EPHA10: variants seen among roughly 807,000 people sequenced by gnomAD.
EPHA10 encodes ephrin type-A receptor 10.
In EPHA10, 120 loss-of-function variants were observed where a neutral mutation model predicts 109.7. The ratio of observed to expected loss-of-function variants is 1.09; its 90% CI spans 0.94 to 1.27. The LOEUF is 1.27. EPHA10 is among the 50% of genes most tolerant of loss of function. The pLI is 0.00. For missense variants in EPHA10, 1,396 were observed against 1,411.1 expected (o/e 0.99, Z 0.17); for synonymous variants, 640 against 618.9 (o/e 1.03, Z -0.51).
chr1:37,743,560 C>G (rs1391130272), intron 5 of EPHA10, among the ~76,000 whole-genome samples: 1 of 152,166 alleles, frequency 6.6e-6, no homozygotes. Context: ...TAAGAAGGAA[C>G]CACAACTGAA....
rs146568133 is a variant in EPHA10, at chr1:37,723,064, G to A, written c.1937C>T (p.Thr646Met). Residue 646 changes from threonine to methionine, a missense_variant, in exon 10 of 17, where the codon ACG (threonine) becomes ATG (methionine). Physicochemically the swap from Thr to Met is moderately conservative, Grantham distance 81. Transcript: ENST00000373048. ...GCCTCCTCCAAGGCTCCTCTCCAGC[G>A]TGACGCTTTTCGCATCCAGTTCCTT... is the stretch of plus-strand genomic sequence containing the variant. ...FAKELDAKSV[T>M]LERSLGGGRF... The A allele has an allele frequency of 1.1e-3, 1,837 of 1,614,192 alleles. 9 individuals carry two copies. The highest frequency in any genetic ancestry group is 4.9e-3 in the African/African-American group (370 of 75,052).
chr1:37,742,582 C>CAT, intron 5 of EPHA10, among the ~76,000 whole-genome samples: 1 of 68,472 alleles, frequency 1.5e-5, no homozygotes, highest in African/African-American at 4.4e-5. Context: ...ATGAGAATGG[C>CAT]AGAGTGGACA....
Position 37,761,908 on chromosome 1 carries a change from G to C in EPHA10, c.347C>G (p.Pro116Arg). Residue 116 changes from proline to arginine, a missense_variant, in exon 3 of 17, where the codon CCT becomes CGT. Transcript: ENST00000373048. ...CTCCTTGCAGGTACCCGCGGCGCCAGGGATGCTGCTGCAGTCACGGAGTGT... is the reference window on the plus strand; with the variant it reads ...CTCCTTGCAGGTACCCGCGGCGCCACGGATGCTGCTGCAGTCACGGAGTGT... The part of the protein sequence containing the change: ...QFTLRDCSSI[P>R]GAAGTCKETF... 1 of 1,612,514 alleles carries C rather than the reference G, an allele frequency of 6.2e-7. No individual in the cohort carries two copies. Among genetic ancestry groups the C allele is most frequent in the African/African-American group, 1.3e-5 (1 of 75,064 alleles).
chr1:37,761,709 C>T lies in EPHA10; in HGVS notation c.546G>A (p.Pro182=). Reference sequence around the variant, plus strand: ...CCAGGTGGAAACCCCGCCGGCTGAGCGGTCCGATCTCGCGCACCTCTGTGT... The same window carrying T: ...CCAGGTGGAAACCCCGCCGGCTGAGTGGTCCGATCTCGCGCACCTCTGTGT... ...KLNTEVREIG[P]LSRRGFHLAF... is the part of the protein sequence containing the mutation. The change falls in exon 3 of 17, where the codon CCG becomes CCA. Residue 182 remains proline (P), a synonymous_variant. Transcript: ENST00000373048. 1 of 1,613,406 alleles carries T rather than the reference C, an allele frequency of 6.2e-7. No individual in the cohort carries two copies. Among genetic ancestry groups the T allele is most frequent in the South Asian group, 1.1e-5 (1 of 91,068 alleles).
At chr1:37,714,536 G>A (rs1369428495), downstream of EPHA10, among the ~76,000 whole-genome samples, 11 of 152,258 alleles carry the variant, frequency 7.2e-5, no homozygotes, top group East Asian at 7.7e-4. Context: ...AACAAAGGTC[G>A]CTGTTACGGG....
chr1:37,738,989 C>T (rs762545733), intron 5 of EPHA10, among the ~76,000 whole-genome samples: 12 of 151,812 alleles, frequency 7.9e-5, no homozygotes, highest in South Asian at 2.1e-4. Flanking sequence ...CATCACACAC[C>T]GGGGCCTGTC....
intron 6 of EPHA10, among the ~76,000 whole-genome samples, chr1:37,733,991 T>C (rs1176640833): frequency 6.6e-6 from 1 of 152,154 alleles, no homozygotes; most frequent in Admixed American, 6.5e-5. Context: ...CCTCAGACTC[T>C]GGGTTACCCA....
At chr1:37,723,019 G>A (rs1557532175) in intron 10 of EPHA10, 22 bp downstream of exon 10, 2 of 1,613,896 alleles carry the variant, frequency 1.2e-6, no homozygotes, top group Non-Finnish European at 8.5e-7. Context: ...TGGGGACAAG[G>A]CTTCCTGGGC....
rs764483834 is a variant in EPHA10, at chr1:37,723,113, G to C, written c.1888C>G (p.Leu630Val). 1 of 1,614,216 alleles carries C rather than the reference G, an allele frequency of 6.2e-7. No individual in the cohort carries two copies. Among genetic ancestry groups the C allele is most frequent in the South Asian group, 1.1e-5 (1 of 91,084 alleles). Residue 630 changes from leucine to valine, a missense_variant, in exon 10 of 17, where the codon CTG becomes GTG. By Grantham distance (32) the Leu-to-Val change is conservative. Coordinates refer to ENST00000373048, the MANE Select transcript of EPHA10 (RefSeq NM_001099439.2). The stretch of plus-strand genomic sequence containing the variant: ...TTGGCGAACAGATGCACAGCCTGCA[G>C]CAGGTCCCCACAGCTCTGGGGGTCC... The part of the protein sequence containing the change: ...FLDPQSCGDL[L>V]QAVHLFAKEL...
chr1:37,734,332 T>C (rs141973960), intron 6 of EPHA10, among the ~76,000 whole-genome samples: 2,789 of 152,088 alleles, frequency 0.018, 76 homozygotes, highest in African/African-American at 0.063. Context: ...TCAGGAGATA[T>C]AGACCAGCCT....
chr1:37,719,866 G>C (rs1385552320), intron 14 of EPHA10, 43 bp downstream of exon 14: 1 of 1,613,500 alleles, frequency 6.2e-7, no homozygotes, highest in Admixed American at 1.7e-5. Context: ...GGCCTGAGCT[G>C]AGAGGGTCAG....
chr1:37,718,484 T>A lies in EPHA10; in HGVS notation c.2915A>T (p.Asp972Val), dbSNP rs769334265. Residue 972 changes from aspartate to valine, a missense_variant and splice_region_variant, in exon 17 of 17, where the codon GAC (aspartate) becomes GTC (valine). Asp to Val is a radical substitution (Grantham distance 152). Coordinates refer to ENST00000373048, the MANE Select transcript of EPHA10 (RefSeq NM_001099439.2). ...CAAAGAGATGCCTAGGCTCACCAGG[T>A]CCCTGAAACAAAGGCTGGTCACACT... ...LEAVAEMTAQ[D>V]LVSLGISLAE... The A allele has an allele frequency of 1.1e-5, 18 of 1,613,322 alleles. No individual in the cohort carries two copies. In the East Asian group the frequency reaches 3.8e-4, roughly 34 times the overall value.
At chr1:37,715,913 G>A (rs535145015), downstream of EPHA10, 11 of 567,644 alleles carry the variant, frequency 1.9e-5, no homozygotes, top group Middle Eastern at 8.7e-4. Flanking sequence ...GAGGAAGGGG[G>A]CAGAAGCCCT....
chr1:37,722,237 G>A, intron 10 of EPHA10: 2 of 237,326 alleles, frequency 8.4e-6, no homozygotes, highest in Non-Finnish European at 1.7e-5. Context: ...TTCTTGGCCT[G>A]TCTCCTCTGT....
At chr1:37,727,242 A>AGAGGACCAGGCTCCTAGGC in intron 7 of EPHA10, 32 bp from the exon 8 acceptor site, 4 of 1,559,950 alleles carry the variant, frequency 2.6e-6, no homozygotes, top group Non-Finnish European at 3.5e-6. Flanking sequence ...TGAGGCAGGC[A>AGAGGACCAGGCTCCTAGGC]GAGGACCAGG....
chr1:37,722,009 T>A, intron 10 of EPHA10, 164 bp from the exon 11 acceptor site: 1 of 602,792 alleles, frequency 1.7e-6, no homozygotes, highest in Non-Finnish European at 2.7e-6. Context: ...CACATGCCTG[T>A]AATCCCAGCT....
chr1:37,761,514 C>A lies in EPHA10; in HGVS notation c.741G>T (p.Glu247Asp). The A allele has an allele frequency of 6.3e-7, 1 of 1,599,426 alleles. No individual in the cohort carries two copies. Among genetic ancestry groups the A allele is most frequent in the Non-Finnish European group, 8.5e-7 (1 of 1,178,202 alleles). The change falls in exon 3 of 17, where the codon GAG (glutamate) becomes GAT (aspartate). Residue 247 changes from glutamate (E) to aspartate (D), a missense_variant. Physicochemically the swap from Glu to Asp is conservative, Grantham distance 45. Transcript: ENST00000373048. ...AGTCVAHSEGEPGSPPRMHCG... is the reference protein window; with the variant it reads ...AGTCVAHSEGDPGSPPRMHCG... ...AGTGCATGCGTGGGGGGCTGCCAGG[C>A]TCCCCTTCCGAGTGCGCCACGCACG...
chr1:37,751,340 G>A (rs892732676), intron 5 of EPHA10, among the ~76,000 whole-genome samples: 3 of 151,592 alleles, frequency 2.0e-5, no homozygotes, highest in Admixed American at 1.3e-4. Context: ...AGGCCAAGGC[G>A]GGTAGATGAC....
rs1174581216 is a variant in EPHA10, at chr1:37,754,811, TTTTTC to T, written c.851-446_851-442del. Among the ~76,000 whole-genome samples the T allele has an allele frequency of 6.6e-6, 1 of 152,174 alleles. No individual in the cohort carries two copies. The highest frequency in any genetic ancestry group is 2.4e-5 in the African/African-American group (1 of 41,434). The stretch of plus-strand genomic sequence containing the variant: ...TCTTTTTATTTTATTTATTTTTTCT[TTTTTC>T]TTTTCGAGTCTCCTTCTATCACCCA... On this transcript the variant is annotated intron_variant, in intron 3 of 16. Transcript: ENST00000373048. This position sits in a 1 kb window ranked among gnomAD's most constrained non-coding sequence, Gnocchi z 4.5.
Sources: allele counts gnomAD v4.1 joint callset (sites outside exome capture counted in the v4.1 genomes callset), GRCh38; gene constraint gnomAD v4.1.1; non-coding constraint Gnocchi (gnomAD v3.1); transcripts MANE v1.5; gene names NCBI Gene and HGNC (gene_info 2026-07-23, HGNC 2026-07-21).